Variants in CUL4A observed in about 807,000 individuals in gnomAD.
The protein encoded by CUL4A is cullin-4A.
A neutral mutation model predicts 95.5 loss-of-function variants in CUL4A; 16 were observed. The ratio of observed to expected loss-of-function variants is 0.17; its 90% CI spans 0.11 to 0.25. The LOEUF (loss-of-function observed/expected upper bound fraction) is 0.25, where lower values mean the gene tolerates loss of function less well. Among genes scored for constraint, CUL4A ranks in the 10% least tolerant of loss-of-function variants. The probability of loss-of-function intolerance (pLI) is 1.00; values close to 1 mark genes in which losing one functional copy is unlikely to be tolerated. For synonymous variants in CUL4A, 380 were observed against 353.1 expected, an observed-to-expected ratio of 1.08 and a Z score of -0.85; for missense variants, 610 against 937.0, an observed-to-expected ratio of 0.65 and a Z score of 4.56.
chr13:113,228,761 A>C (rs1376359184), intron 4 of CUL4A, among the ~76,000 whole-genome samples: 1 of 151,642 alleles, frequency 6.6e-6, no homozygotes, highest in East Asian at 1.9e-4. Flanking sequence ...TGTAACAGGA[A>C]CTCAGGTTTT....
At chr13:113,212,184 T>C (rs1014083159) in intron 2 of CUL4A, among the ~76,000 whole-genome samples, 1 of 152,262 alleles carries the variant, frequency 6.6e-6, no homozygotes, top group African/African-American at 2.4e-5. Context: ...TTTGAGTTTA[T>C]TATGTATTCT....
intron 15 of CUL4A, among the ~76,000 whole-genome samples, chr13:113,249,544 G>A (rs2041941545): frequency 6.6e-6 from 1 of 152,238 alleles, no homozygotes; most frequent in African/African-American, 2.4e-5. Context: ...TGGCCGCTGT[G>A]AATAATGCTG....
intron 2 of CUL4A, among the ~76,000 whole-genome samples, chr13:113,215,283 G>A (rs1483258723): frequency 6.8e-6 from 1 of 146,390 alleles, no homozygotes; most frequent in Non-Finnish European, 1.5e-5. Context: ...GACTATGGAG[G>A]TCGCTATGTG....
intron 4 of CUL4A, 74 bp from the exon 5 acceptor site, chr13:113,229,372 G>T: frequency 8.3e-7 from 1 of 1,203,398 alleles, no homozygotes; most frequent in South Asian, 1.2e-5. Flanking sequence ...AGCTAGCATG[G>T]AGTTAAAAGG....
chr13:113,237,039 C>A, intron 9 of CUL4A, 149 bp downstream of exon 9: 1 of 582,284 alleles, frequency 1.7e-6, no homozygotes, highest in Non-Finnish European at 3.0e-6. Context: ...AACATGTTAG[C>A]CATCCACGGG....
chr13:113,237,398 A>G (rs1038271034), intron 9 of CUL4A, among the ~76,000 whole-genome samples: 2 of 152,188 alleles, frequency 1.3e-5, no homozygotes, highest in Non-Finnish European at 1.5e-5. Flanking sequence ...AGAGAAGAGC[A>G]TGTGTTCTAG....
At position 113,263,970 on chromosome 13, in the gene CUL4A, T is replaced by G. The variant is rs1157365145; in HGVS notation, c.*388T>G. The G allele has an allele frequency of 6.3e-6, 1 of 157,542 alleles. No individual in the cohort carries two copies. Among genetic ancestry groups the G allele is most frequent in the East Asian group, 1.8e-4 (1 of 5,478 alleles). 9.8% of individuals were successfully genotyped at this position (157,542 alleles called of 1,614,324 possible). A position where few individuals can be genotyped will look rare whatever the true frequency, so the allele number is the denominator to read the frequency against. Reference sequence around the variant, plus strand: ...ATGAAGAAGACCCTAGATGCTGCATTTTTTAGCTCTGAAGATTCCTTAGGT... The same window carrying G: ...ATGAAGAAGACCCTAGATGCTGCATGTTTTAGCTCTGAAGATTCCTTAGGT... On this transcript the variant is annotated 3_prime_UTR_variant, in exon 20 of 20. Transcript: ENST00000375440.
chr13:113,254,284 G>T (rs1287772895), intron 16 of CUL4A, among the ~76,000 whole-genome samples: 1 of 152,124 alleles, frequency 6.6e-6, no homozygotes, highest in Non-Finnish European at 1.5e-5. Context: ...GATATATAAG[G>T]CCAAATTGCA....
At chr13:113,261,530 C>T (rs541581842) in intron 19 of CUL4A, among the ~76,000 whole-genome samples, 1 of 152,312 alleles carries the variant, frequency 6.6e-6, no homozygotes, top group African/African-American at 2.4e-5. Context: ...GGTGAGGTGC[C>T]GTCCTCAGGG....
chr13:113,261,243 G>T (rs569602679), intron 19 of CUL4A, among the ~76,000 whole-genome samples: 1 of 152,158 alleles, frequency 6.6e-6, no homozygotes, highest in Non-Finnish European at 1.5e-5. Context: ...GTCCTGCCAC[G>T]TGTGGGATGC....
rs1223000474 is a variant in CUL4A at position 113,245,970 on chromosome 13, G to A, written c.1545G>A (p.Gln515=). The change falls in exon 15 of 20, where the codon CAG becomes CAA. Residue 515 remains glutamine (Q), a synonymous_variant. Coordinates refer to ENST00000375440, the MANE Select transcript of CUL4A (RefSeq NM_001008895.4). ...MVHFKQHMQN[Q]SDSGPIDLTV... is the part of the protein sequence containing the mutation. The stretch of plus-strand genomic sequence containing the variant: ...CTCTGTTTTAGCATATGCAGAATCA[G>A]AGTGACTCAGGCCCTATAGACCTCA... The A allele has an allele frequency of 6.2e-7, 1 of 1,613,020 alleles. No homozygotes were observed.
intron 3 of CUL4A, among the ~76,000 whole-genome samples, chr13:113,220,293 C>T (rs1300468263): frequency 1.3e-5 from 2 of 152,222 alleles, no homozygotes; most frequent in African/African-American, 2.4e-5. Context: ...TGAGTGAAGT[C>T]GGTTCCAGCT....
rs2042249987 is a variant in CUL4A, at chr13:113,260,554, A to C, written c.2032-53A>C. ...AACTGAGTGAGACTCCATCGCAAAA[A>C]ATAAAAAGAAAATACAGTTTTACAC... On this transcript the variant is annotated intron_variant, in intron 18 of 19. Transcript: ENST00000375440. 5 of 1,528,258 alleles carry C rather than the reference A, an allele frequency of 3.3e-6. No homozygotes were observed. In the South Asian group the frequency reaches 6.3e-5, roughly 19 times the overall value. 94.7% of individuals were successfully genotyped at this position (1,528,258 alleles called of 1,614,324 possible). A position where few individuals can be genotyped will look rare whatever the true frequency, so the allele number is the denominator to read the frequency against.
chr13:113,231,981 CA>C, intron 5 of CUL4A, among the ~76,000 whole-genome samples: 1 of 132,356 alleles, frequency 7.6e-6, no homozygotes, highest in Non-Finnish European at 1.6e-5. Context: ...ATAATACTAC[CA>C]CCACCACCCG....
chr13:113,252,627 G>A (rs1240372144), intron 15 of CUL4A, among the ~76,000 whole-genome samples: 8 of 152,368 alleles, frequency 5.3e-5, no homozygotes, highest in African/African-American at 1.9e-4. Context: ...TTTGCCATCA[G>A]CCCCTGCACA....
intron 3 of CUL4A, among the ~76,000 whole-genome samples, chr13:113,227,358 A>G (rs781582043): frequency 1.1e-4 from 17 of 152,104 alleles, no homozygotes; most frequent in Non-Finnish European, 1.9e-4. Flanking sequence ...TTCTCACTGC[A>G]TCCTTATGTG....
At chr13:113,239,350 C>G (rs544433388) in intron 9 of CUL4A, 83 bp from the exon 10 acceptor site, 12 of 1,179,504 alleles carry the variant, frequency 1.0e-5, no homozygotes, top group Admixed American at 5.2e-5. Flanking sequence ...TATTGACGTT[C>G]TTCTGGTGCA....
intron 3 of CUL4A, among the ~76,000 whole-genome samples, chr13:113,224,371 A>G (rs1305245480): frequency 6.6e-6 from 1 of 152,098 alleles, no homozygotes; most frequent in Non-Finnish European, 1.5e-5. Flanking sequence ...AAAAATGTCA[A>G]GCCAACTGTC....
At chr13:113,233,102 G>A (rs2139188706) in intron 5 of CUL4A, 75 bp from the exon 6 acceptor site, 3 of 1,462,378 alleles carry the variant, frequency 2.1e-6, no homozygotes, top group East Asian at 4.6e-5. Flanking sequence ...ATATTGAATA[G>A]CATAGCTGGA....
Sources: gnomAD v4.1 joint callset for allele counts (sites outside exome capture counted in the v4.1 genomes callset) on GRCh38, gnomAD v4.1.1 for gene constraint, MANE v1.5 for transcripts, NCBI Gene and HGNC (gene_info 2026-07-23, HGNC 2026-07-21) for gene names.